NIPA2: variants seen among roughly 807,000 people sequenced by gnomAD.
NIPA2 encodes NIPA magnesium transporter 2, also known as magnesium transporter NIPA2.
Under a neutral mutation model 29.7 loss-of-function variants are expected in NIPA2, and 11 were observed. The observed-to-expected ratio is 0.37, with a 90% CI of 0.23 to 0.61. The LOEUF (loss-of-function observed/expected upper bound fraction) is 0.61. Among genes scored for constraint, NIPA2 ranks in the 20% least tolerant of loss-of-function variants. The pLI, the probability that NIPA2 is intolerant of heterozygous loss-of-function variation, is 0.66. For missense variants in NIPA2, 426 were observed against 437.9 expected (o/e 0.97, Z 0.24); for synonymous variants, 183 against 161.9 (o/e 1.13, Z -0.99).
chr15:22,862,898 C>CTTTTTTTTTTT (rs59317671), intron 7 of NIPA2, among the ~76,000 whole-genome samples: 8 of 110,284 alleles, frequency 7.3e-5, no homozygotes, highest in African/African-American at 1.8e-4. Context: ...TGCCTTTATT[C>CTTTTTTTTTTT]TTTTTTTTTT....
rs1276549240 is a variant in NIPA2 at position 22,867,322 on chromosome 15, T to TTTTA, written c.*479_*482dup. The TTTTA allele has an allele frequency of 2.8e-5, 11 of 397,556 alleles. No homozygotes were observed. The highest frequency in any genetic ancestry group is 1.8e-4 in the Admixed American group (4 of 22,698). The allele number at this position is 397,556 out of a possible 1,614,324, so 24.6% of individuals were successfully genotyped here. A position where few individuals can be genotyped will look rare whatever the true frequency, so the allele number is the denominator to read the frequency against. ...CTCCTGTTTGTTTGATGATGATTGG[T>TTTTA]TTTATTTTTGAAATATTTATTAAGG... On this transcript the variant is annotated 3_prime_UTR_variant, in exon 8 of 8. Transcript: ENST00000337451.
intron 5 of NIPA2, among the ~76,000 whole-genome samples, chr15:22,857,288 G>T (rs531344344): frequency 6.6e-6 from 1 of 151,752 alleles, no homozygotes; most frequent in East Asian, 2.0e-4. Context: ...AAAATCAGCC[G>T]GGTGTGGTGG....
rs578162714 is a variant in NIPA2 at position 22,862,651 on chromosome 15, C to G, written c.448+1862C>G. On this transcript the variant is annotated intron_variant, in intron 7 of 7. Coordinates refer to ENST00000337451, the MANE Select transcript of NIPA2 (RefSeq NM_030922.7). ...TTATTTTAAAGTCTTTGTCTGCTAA[C>G]TTTAGTTTTAGAATTCTTTGTGGGC... is the stretch of plus-strand genomic sequence containing the variant. Among the ~76,000 whole-genome samples the G allele has an allele frequency of 3.9e-5, 6 of 152,070 alleles. No individual in the cohort carries two copies. The East Asian group carries it at 9.6e-4, about 24-fold the overall frequency.
rs549364382 is a variant in NIPA2 at position 22,852,319 on chromosome 15, T to C, written c.139+449T>C. Among the ~76,000 whole-genome samples, 42 of 151,832 alleles carry C rather than the reference T, an allele frequency of 2.8e-4. 1 individual carries two copies. Among genetic ancestry groups the C allele is most frequent in the African/African-American group, 8.7e-4 (36 of 41,312 alleles). On this transcript the variant is annotated intron_variant, in intron 4 of 7. Coordinates refer to ENST00000337451, the MANE Select transcript of NIPA2 (RefSeq NM_030922.7). ...CCATCTCTACTGAAAATACAAAAAT[T>C]AGCCGGGCATGGTGGCCTGGCCTAT...
At chr15:22,850,389 G>A (rs1050298991) in intron 3 of NIPA2, among the ~76,000 whole-genome samples, 2 of 152,144 alleles carry the variant, frequency 1.3e-5, no homozygotes, top group African/African-American at 4.8e-5. Context: ...GCCAAAGCAA[G>A]CTTGATGGCC....
chr15:22,849,803 C>T (rs528447943), intron 3 of NIPA2, among the ~76,000 whole-genome samples: 2 of 152,060 alleles, frequency 1.3e-5, no homozygotes, highest in African/African-American at 4.8e-5. Context: ...ACCTTGTGAT[C>T]CACCAGCCTC....
At chr15:22,852,000 T>C (rs777686331) in intron 4 of NIPA2, 130 bp downstream of exon 4, 9 of 788,794 alleles carry the variant, frequency 1.1e-5, no homozygotes, top group Non-Finnish European at 1.8e-5. Flanking sequence ...GAGTTCTAAA[T>C]GTTTACAAAG....
chr15:22,841,336 C>G (rs1211192623), intron 2 of NIPA2, among the ~76,000 whole-genome samples: 1 of 152,140 alleles, frequency 6.6e-6, no homozygotes, highest in Non-Finnish European at 1.5e-5. Context: ...TTAAACATTT[C>G]TGCATATCTA....
rs375234099 is a variant in NIPA2, at chr15:22,860,973, G to T, written c.448+184G>T. ...TGTGTTTCTACTGTTCTTTAACTCT[G>T]TGTTTGTAAGTAGTGTGCGTATATT... On this transcript the variant is annotated intron_variant, in intron 7 of 7. Coordinates refer to ENST00000337451, the MANE Select transcript of NIPA2 (RefSeq NM_030922.7). 2.8e-4 allele frequency among the ~76,000 whole-genome samples: 42 copies of T among 152,192 alleles called. No individual in the cohort carries two copies. In the East Asian group the frequency reaches 4.0e-3, roughly 15 times the overall value.
In NIPA2 at chr15:22,854,466, C is replaced by T. The variant is rs1025142700; in HGVS notation, c.196+1198C>T. ...ATGTACAATTAAATTATTATTGGGC[C>T]GGGCGCGGTGGCTCACACCTGTAAT... On this transcript the variant is annotated intron_variant, in intron 5 of 7. Transcript: ENST00000337451. 5.5e-5 allele frequency among the ~76,000 whole-genome samples: 8 copies of T among 146,726 alleles called. No homozygotes were observed. The East Asian group carries it at 6.8e-4, about 12-fold the overall frequency.
Position 22,859,295 on chromosome 15 carries a change from T to C in NIPA2, c.287+665T>C, listed in dbSNP as rs1039008474. Among the ~76,000 whole-genome samples, 20 of 143,952 alleles carry C rather than the reference T, an allele frequency of 1.4e-4. 1 individual carries two copies. The highest frequency in any genetic ancestry group is 3.5e-3 in the Middle Eastern group (1 of 286). The allele number at this position is 143,952 out of a possible 152,430, so 94.4% of individuals were successfully genotyped here. A position where few individuals can be genotyped will look rare whatever the true frequency, so the allele number is the denominator to read the frequency against. On this transcript the variant is annotated intron_variant, in intron 6 of 7. Transcript: ENST00000337451. Reference sequence around the variant, plus strand: ...TAATGAGTAGATTTCTTTTTCTTTTTTTTTTTTTTTTTTTTGAGGCGGAGT... The same window carrying C: ...TAATGAGTAGATTTCTTTTTCTTTTCTTTTTTTTTTTTTTTGAGGCGGAGT...
chr15:22,840,235 A>G (rs1896656680), intron 2 of NIPA2, among the ~76,000 whole-genome samples: 1 of 150,054 alleles, frequency 6.7e-6, no homozygotes, highest in South Asian at 2.1e-4. Flanking sequence ...TAACTTAGAT[A>G]GCAGTGGAAA....
chr15:22,858,571 G>T lies in NIPA2; in HGVS notation c.228G>T (p.Ala76=), dbSNP rs772713029. Residue 76 remains alanine (A), a synonymous_variant, in exon 6 of 8, where the codon GCG becomes GCT. Transcript: ENST00000337451. ...CTGGTGAGGTGGCCAACTTCGCTGC[G>T]TATGCGTTTGCACCAGCCACTCTAG... ...MGAGEVANFA[A]YAFAPATLVT... 3.1e-6 allele frequency: 5 copies of T among 1,606,728 alleles called. No individual in the cohort carries two copies. The highest frequency in any genetic ancestry group is 2.6e-6 in the Non-Finnish European group (3 of 1,175,726).
chr15:22,839,172 T>A (rs1302286989), intron 1 of NIPA2: 1 of 152,166 alleles, frequency 6.6e-6, no homozygotes, highest in African/African-American at 2.4e-5. Flanking sequence ...TTCATTTGTC[T>A]TGGTGAGTTT....
At chr15:22,862,099 G>A (rs2058669624) in intron 7 of NIPA2, among the ~76,000 whole-genome samples, 2 of 131,258 alleles carry the variant, frequency 1.5e-5, no homozygotes, top group African/African-American at 2.8e-5. Context: ...TCAGGCTGGA[G>A]TGCAATGGCG....
chr15:22,859,393 C>T (rs1220070064), intron 6 of NIPA2, among the ~76,000 whole-genome samples: 1 of 150,082 alleles, frequency 6.7e-6, no homozygotes, highest in Non-Finnish European at 1.5e-5. Flanking sequence ...CCCGGGTTCA[C>T]ACCATTCTCC....
chr15:22,863,336 G>A lies in NIPA2; in HGVS notation c.448+2547G>A, dbSNP rs11857469. On this transcript the variant is annotated intron_variant, in intron 7 of 7. Transcript: ENST00000337451. ...TGGGCTCAAGTGATCCACCTCCCTC[G>A]GCCTCCCAAAGGGCTGGGATTACAG... 9.5e-3 allele frequency among the ~76,000 whole-genome samples: 1,436 copies of A among 151,856 alleles called. 24 individuals carry two copies. The highest frequency in any genetic ancestry group is 0.033 in the African/African-American group (1,348 of 41,410).
chr15:22,844,794 C>G (rs1242842056), intron 2 of NIPA2, among the ~76,000 whole-genome samples: 2 of 152,112 alleles, frequency 1.3e-5, no homozygotes, highest in African/African-American at 2.4e-5. Flanking sequence ...AGCCCTTCCC[C>G]TCCCACACAC....
At chr15:22,861,505 A>G (rs1392200434) in intron 7 of NIPA2, among the ~76,000 whole-genome samples, 1 of 152,118 alleles carries the variant, frequency 6.6e-6, no homozygotes. Context: ...GCATGAAGAG[A>G]TGAGATTTTT....
Sources: allele counts gnomAD v4.1 joint callset (sites outside exome capture counted in the v4.1 genomes callset), GRCh38; gene constraint gnomAD v4.1.1; transcripts MANE v1.5; gene names NCBI Gene and HGNC (gene_info 2026-07-23, HGNC 2026-07-21).